Variants in NELL1 observed in about 807,000 individuals in gnomAD.
NELL1 encodes the protein protein kinase C-binding protein NELL1.
NELL1 carries 76 observed loss-of-function variants against 107.4 expected under a neutral mutation model. The ratio of observed to expected loss-of-function variants is 0.71; its 90% CI spans 0.59 to 0.86. The LOEUF is 0.86. NELL1 is among the 40% of genes least tolerant of loss of function. The pLI is 0.00. For synonymous variants in NELL1, 353 were observed against 341.2 expected (o/e 1.03, Z -0.38); for missense variants, 1,024 against 1,005.5 (o/e 1.02, Z -0.25).
At chr11:20,801,531 C>T (rs1441534741) in intron 3 of NELL1, among the ~76,000 whole-genome samples, 1 of 152,168 alleles carries the variant, frequency 6.6e-6, no homozygotes, top group African/African-American at 2.4e-5. Flanking sequence ...TGGGTTGTCT[C>T]TTCACTTTGT....
At chr11:21,309,285 T>TATATATATATATATATGTATATATATATA (rs1849687688) in intron 14 of NELL1, among the ~76,000 whole-genome samples, 1 of 68,112 alleles carries the variant, frequency 1.5e-5, no homozygotes, top group Admixed American at 1.8e-4. Context: ...TATATGTATA[T>TATATATATATATATATGTATATATATATA]ATATATATAT....
At chr11:20,777,605 T>C (rs1293236830) in intron 2 of NELL1, among the ~76,000 whole-genome samples, 1 of 152,216 alleles carries the variant, frequency 6.6e-6, no homozygotes. Context: ...AAATTTCCTC[T>C]ACATTCAGAA....
intron 13 of NELL1, among the ~76,000 whole-genome samples, chr11:21,223,825 G>A (rs974122463): frequency 3.3e-5 from 5 of 152,146 alleles, no homozygotes; most frequent in African/African-American, 1.2e-4. Context: ...GTAGGACTTT[G>A]TTAAGCTTTT....
intron 3 of NELL1, among the ~76,000 whole-genome samples, chr11:20,794,001 TATTGATTAACTG>T (rs1459611547): frequency 6.6e-6 from 1 of 152,216 alleles, no homozygotes; most frequent in Non-Finnish European, 1.5e-5. Context: ...CTTCTATGTG[TATTGATTAACTG>T]ATTGATTGCT....
chr11:20,817,160 A>G lies in NELL1; in HGVS notation c.336-30423A>G, dbSNP rs567118608. On this transcript the variant is annotated intron_variant, in intron 3 of 19. Coordinates refer to ENST00000357134, the MANE Select transcript of NELL1 (RefSeq NM_006157.5). ...AGGGTGATGTTGACTTCTTAGAATG[A>G]GTTAGGGAGGAGTCCTTCCTACTCT... is the stretch of plus-strand genomic sequence containing the variant. Among the ~76,000 whole-genome samples the G allele has an allele frequency of 2.0e-5, 3 of 152,248 alleles. No homozygotes were observed. In the East Asian group the frequency reaches 5.8e-4, roughly 29 times the overall value.
chr11:21,124,641 G>A (rs1855449057), intron 13 of NELL1, among the ~76,000 whole-genome samples: 1 of 148,128 alleles, frequency 6.8e-6, no homozygotes, highest in Non-Finnish European at 1.5e-5. Flanking sequence ...CGCTCTTGAT[G>A]CCCAGGCTAG....
chr11:21,233,362 G>A (rs912108021), intron 14 of NELL1, among the ~76,000 whole-genome samples: 5 of 152,072 alleles, frequency 3.3e-5, no homozygotes, highest in African/African-American at 1.2e-4. Context: ...TCAACTAGTG[G>A]AACTGCTTTT....
chr11:21,180,667 C>T (rs1428671065), intron 13 of NELL1, among the ~76,000 whole-genome samples: 3 of 151,624 alleles, frequency 2.0e-5, no homozygotes, highest in Non-Finnish European at 4.4e-5. Context: ...ACTTTCTCTA[C>T]ATTTTATCAT....
At chr11:21,152,893 G>A (rs1017755675) in intron 13 of NELL1, among the ~76,000 whole-genome samples, 1 of 152,048 alleles carries the variant, frequency 6.6e-6, no homozygotes, top group Non-Finnish European at 1.5e-5. Context: ...GATCTCAACT[G>A]TTTTCCTGTT....
At chr11:20,887,760 G>A (rs1412409301) in intron 5 of NELL1, among the ~76,000 whole-genome samples, 1 of 152,086 alleles carries the variant, frequency 6.6e-6, no homozygotes, top group Non-Finnish European at 1.5e-5. Context: ...AAGTGGCCCT[G>A]GATTAGGTAC....
chr11:20,812,693 C>T (rs891748516), intron 3 of NELL1, among the ~76,000 whole-genome samples: 2 of 152,042 alleles, frequency 1.3e-5, no homozygotes, highest in Admixed American at 1.3e-4. Context: ...GGATTAGGTA[C>T]TCTTCAAATT....
At position 21,364,160 on chromosome 11, in the gene NELL1, C is replaced by A. The variant is rs976275760; in HGVS notation, c.1550-6693C>A. 1.7e-4 allele frequency among the ~76,000 whole-genome samples: 26 copies of A among 151,926 alleles called. 1 individual carries two copies. The highest frequency in any genetic ancestry group is 1.6e-3 in the Admixed American group (25 of 15,226). The stretch of plus-strand genomic sequence containing the variant: ...GCGTGGTGGCTCACGCCTGTAATCC[C>A]AGCACTTTGGGAGGCCGAGGTGGGT... On this transcript the variant is annotated intron_variant, in intron 14 of 19. Coordinates refer to ENST00000357134, the MANE Select transcript of NELL1 (RefSeq NM_006157.5).
At chr11:21,388,563 T>G (rs1383481170) in intron 15 of NELL1, among the ~76,000 whole-genome samples, 3 of 151,814 alleles carry the variant, frequency 2.0e-5, no homozygotes, top group Admixed American at 6.6e-5. Context: ...TCAAGTAAGT[T>G]TAATTCCCGT....
chr11:21,209,550 G>C (rs191390713), intron 13 of NELL1, among the ~76,000 whole-genome samples: 1 of 151,760 alleles, frequency 6.6e-6, no homozygotes, highest in Admixed American at 6.6e-5. Context: ...GAACAAATGT[G>C]TTAACTTATT....
intron 2 of NELL1, among the ~76,000 whole-genome samples, chr11:20,705,212 C>G (rs200024539): frequency 1.3e-5 from 2 of 152,160 alleles, no homozygotes; most frequent in East Asian, 1.9e-4. Flanking sequence ...CAAGTCAATC[C>G]TAAGCCAAAA....
At chr11:21,425,639 A>T (rs1852802110) in intron 15 of NELL1, among the ~76,000 whole-genome samples, 1 of 152,232 alleles carries the variant, frequency 6.6e-6, no homozygotes, top group African/African-American at 2.4e-5. Flanking sequence ...ATTGTGCTAT[A>T]GAGCCCCGAG....
chr11:21,364,906 TCTCAC>T (rs1462180038), intron 14 of NELL1, among the ~76,000 whole-genome samples: 1 of 152,170 alleles, frequency 6.6e-6, no homozygotes, highest in Non-Finnish European at 1.5e-5. Context: ...ATATTCAGCC[TCTCAC>T]CTCAGTGTGA....
At chr11:21,566,531 T>C (rs1046257608) in intron 17 of NELL1, among the ~76,000 whole-genome samples, 6 of 151,950 alleles carry the variant, frequency 3.9e-5, no homozygotes, top group African/African-American at 1.2e-4. Context: ...GAATAATTAT[T>C]AATTGCTTAT....
intron 2 of NELL1, among the ~76,000 whole-genome samples, chr11:20,715,303 GTTTTTT>G (rs71748513): frequency 1.4e-5 from 2 of 145,090 alleles, no homozygotes; most frequent in Non-Finnish European, 1.5e-5. Flanking sequence ...CTGGGTTTTT[GTTTTTT>G]TTTTTTTTTA....
Sources: allele counts gnomAD v4.1 joint callset (sites outside exome capture counted in the v4.1 genomes callset), GRCh38; gene constraint gnomAD v4.1.1; transcripts MANE v1.5; gene names NCBI Gene and HGNC (gene_info 2026-07-23, HGNC 2026-07-21).